Variants in GRM8 observed in about 807,000 individuals in gnomAD.
GRM8 encodes the protein glutamate metabotropic receptor 8, also known as metabotropic glutamate receptor 8.
GRM8 carries 47 observed loss-of-function variants against 87.2 expected under a neutral mutation model. The ratio of observed to expected loss-of-function variants is 0.54; its 90% confidence interval spans 0.43 to 0.69. The LOEUF is 0.69. Among genes scored for constraint, GRM8 ranks in the 30% least tolerant of loss-of-function variants. The pLI is 0.00. For missense variants in GRM8, 1,019 were observed against 1,139.2 expected, an observed-to-expected ratio of 0.89 and a Z score of 1.52; for synonymous variants, 396 against 404.5, an observed-to-expected ratio of 0.98 and a Z score of 0.25.
intron 6 of GRM8, among the ~76,000 whole-genome samples, chr7:126,816,004 T>TATA (rs1563213977): frequency 1.3e-3 from 200 of 150,386 alleles, no homozygotes; most frequent in African/African-American, 4.7e-3. Flanking sequence ...GGCCAGATTT[T>TATA]TATATATATA....
chr7:126,890,269 C>G (rs1286156777), intron 6 of GRM8, among the ~76,000 whole-genome samples: 1 of 152,040 alleles, frequency 6.6e-6, no homozygotes, highest in Non-Finnish European at 1.5e-5. Context: ...GCAACAGTAT[C>G]TGTTATATTC....
intron 8 of GRM8, among the ~76,000 whole-genome samples, chr7:126,592,322 A>C (rs553942764): frequency 6.6e-6 from 1 of 151,044 alleles, no homozygotes; most frequent in Admixed American, 6.6e-5. Context: ...AAAACACTAC[A>C]AAAAAAAAGA....
At chr7:126,843,666 G>T (rs576532367) in intron 6 of GRM8, among the ~76,000 whole-genome samples, 16 of 152,300 alleles carry the variant, frequency 1.1e-4, no homozygotes, top group Admixed American at 1.0e-3. Flanking sequence ...TGGGTATTTG[G>T]CATTCTTTTT....
chr7:126,798,657 A>C (rs1822268352), intron 6 of GRM8, among the ~76,000 whole-genome samples: 1 of 152,144 alleles, frequency 6.6e-6, no homozygotes, highest in South Asian at 2.1e-4. Flanking sequence ...GTAGAAAATC[A>C]AAAGGGAAAA....
rs186455144 is a variant in GRM8 at position 126,665,145 on chromosome 7, T to C, written c.1358-55647A>G. ...TGGTAAGGCTGTGGAGAAAATACAC[T>C]GTTGGTGGGAATGTAAATTAGTTCA... is the stretch of plus-strand genomic sequence containing the variant. On this transcript the variant is annotated intron_variant, in intron 7 of 10. Coordinates refer to ENST00000339582, the MANE Select transcript of GRM8 (RefSeq NM_000845.3). Among the ~76,000 whole-genome samples, 137 of 152,202 alleles carry C rather than the reference T, an allele frequency of 9.0e-4. 4 individuals carry two copies. In the South Asian group the frequency reaches 0.019, roughly 21 times the overall value.
intron 2 of GRM8, among the ~76,000 whole-genome samples, chr7:127,241,737 GAAC>G (rs970499712): frequency 5.3e-5 from 8 of 152,192 alleles, no homozygotes; most frequent in Admixed American, 2.0e-4. Context: ...ACCCAGCCAG[GAAC>G]CATTTTTCAC....
At chr7:126,824,150 A>G (rs1794544537) in intron 6 of GRM8, among the ~76,000 whole-genome samples, 1 of 152,282 alleles carries the variant, frequency 6.6e-6, no homozygotes, top group Admixed American at 6.5e-5. Context: ...TATGGTCATC[A>G]CTGTTATTAT....
intron 2 of GRM8, among the ~76,000 whole-genome samples, chr7:127,200,284 T>G (rs1795516224): frequency 6.6e-6 from 1 of 152,168 alleles, no homozygotes; most frequent in Non-Finnish European, 1.5e-5. Flanking sequence ...TAGATTTTTT[T>G]TAAGAACAAA....
At chr7:127,201,217 A>G (rs1286501064) in intron 2 of GRM8, among the ~76,000 whole-genome samples, 1 of 152,214 alleles carries the variant, frequency 6.6e-6, no homozygotes, top group Non-Finnish European at 1.5e-5. Context: ...ACTCTGTGCT[A>G]GATACTGTTA....
chr7:126,829,654 C>A (rs1490581525), intron 6 of GRM8, among the ~76,000 whole-genome samples: 1 of 152,006 alleles, frequency 6.6e-6, no homozygotes, highest in Non-Finnish European at 1.5e-5. Flanking sequence ...GACTCTTTAT[C>A]CAATTTGCCA....
intron 9 of GRM8, among the ~76,000 whole-genome samples, chr7:126,522,114 A>T (rs1346335434): frequency 6.6e-6 from 1 of 152,176 alleles, no homozygotes; most frequent in Non-Finnish European, 1.5e-5. Context: ...CCAATTGGGT[A>T]GAAACCTTGT....
At chr7:127,066,632 AC>A (rs1327032220) in intron 3 of GRM8, among the ~76,000 whole-genome samples, 1 of 152,146 alleles carries the variant, frequency 6.6e-6, no homozygotes, top group Non-Finnish European at 1.5e-5. Flanking sequence ...CAACTCAAAT[AC>A]TTATCATTTC....
At chr7:127,242,648 T>A in intron 2 of GRM8, 47 bp downstream of exon 2, 3 of 1,548,784 alleles carry the variant, frequency 1.9e-6, no homozygotes, top group Non-Finnish European at 2.6e-6. Flanking sequence ...AGTCATAGCA[T>A]TTCATTGTTC....
intron 9 of GRM8, among the ~76,000 whole-genome samples, chr7:126,524,039 G>C (rs1267726390): frequency 6.6e-6 from 1 of 151,976 alleles, no homozygotes; most frequent in African/African-American, 2.4e-5. Flanking sequence ...CATTCAGGTA[G>C]CATAACTGGA....
intron 3 of GRM8, among the ~76,000 whole-genome samples, chr7:127,073,821 T>C (rs1032937269): frequency 6.6e-6 from 1 of 152,164 alleles, no homozygotes; most frequent in Non-Finnish European, 1.5e-5. Context: ...TTTATATATA[T>C]AATAAGACTG....
At chr7:126,532,045 G>C (rs756300001) in intron 9 of GRM8, among the ~76,000 whole-genome samples, 1 of 152,170 alleles carries the variant, frequency 6.6e-6, no homozygotes, top group Non-Finnish European at 1.5e-5. Context: ...TTTCAAGCTG[G>C]TTTATCTCCA....
chr7:126,621,043 C>T (rs560256474), intron 7 of GRM8, among the ~76,000 whole-genome samples: 3 of 151,952 alleles, frequency 2.0e-5, no homozygotes, highest in South Asian at 4.2e-4. Flanking sequence ...TTTTTAGCAC[C>T]CTTAAATAAA....
At chr7:126,642,007 A>T (rs961621838) in intron 7 of GRM8, among the ~76,000 whole-genome samples, 19 of 152,238 alleles carry the variant, frequency 1.2e-4, no homozygotes, top group Non-Finnish European at 2.2e-4. Context: ...GCTATCCCAA[A>T]GTAAATTAGA....
intron 3 of GRM8, among the ~76,000 whole-genome samples, chr7:126,975,953 AT>A (rs1810943764): frequency 6.6e-6 from 1 of 152,098 alleles, no homozygotes; most frequent in African/African-American, 2.4e-5. Flanking sequence ...TTTAATTATT[AT>A]TAATTTTCTA....
Sources: allele counts gnomAD v4.1 joint callset (sites outside exome capture counted in the v4.1 genomes callset), GRCh38; gene constraint gnomAD v4.1.1; transcripts MANE v1.5; gene names NCBI Gene and HGNC (gene_info 2026-07-23, HGNC 2026-07-21).